B3GNT5: variants seen among roughly 807,000 people sequenced by gnomAD.
B3GNT5 encodes lactosylceramide 1,3-N-acetyl-beta-D-glucosaminyltransferase.
In B3GNT5, 11 loss-of-function variants were observed where a neutral mutation model predicts 25.9. The ratio of observed to expected loss-of-function variants is 0.42; its 90% CI spans 0.27 to 0.70. The LOEUF is 0.70. Ranked by LOEUF, B3GNT5 falls within the 30% of genes least tolerant of loss-of-function variation. The pLI is 0.23. For missense variants in B3GNT5, 385 were observed against 458.4 expected, an observed-to-expected ratio of 0.84 and a Z score of 1.46; for synonymous variants, 166 against 158.6, an observed-to-expected ratio of 1.05 and a Z score of -0.35.
intron 1 of B3GNT5, among the ~76,000 whole-genome samples, chr3:183,262,725 G>C (rs912949667): frequency 6.7e-6 from 1 of 150,240 alleles, no homozygotes; most frequent in Non-Finnish European, 1.5e-5. Flanking sequence ...GGGTGGGGGG[G>C]ACAGAGCCTG....
chr3:183,255,124 G>T (rs6768556), intron 1 of B3GNT5, among the ~76,000 whole-genome samples: 1 of 152,022 alleles, frequency 6.6e-6, no homozygotes, highest in African/African-American at 2.4e-5. Flanking sequence ...GGATTTGTGC[G>T]TCTGTGCCTT....
At chr3:183,258,824 A>C (rs1725320399) in intron 1 of B3GNT5, among the ~76,000 whole-genome samples, 1 of 152,172 alleles carries the variant, frequency 6.6e-6, no homozygotes, top group Admixed American at 6.5e-5. Flanking sequence ...CTCCTGAGTC[A>C]AATGATCCTC....
In B3GNT5 at chr3:183,270,541, C is replaced by T. The variant is rs1350364554; in HGVS notation, c.743C>T (p.Ala248Val). The change falls in exon 2 of 2, where the codon GCT becomes GTT. Residue 248 changes from alanine (A) to valine (V), a missense_variant. Physicochemically the swap from Ala to Val is moderately conservative, Grantham distance 64. Transcript: ENST00000326505. This position sits in a 1 kb window ranked among gnomAD's most constrained non-coding sequence, Gnocchi z 4.5. ...TCCTATGAAATGTACCAGTGGCCAG[C>T]TTACCCTGACTACACAGCCGGAGCT... Reference protein sequence around the residue: ...YVSYEMYQWPAYPDYTAGAAY... With the variant: ...YVSYEMYQWPVYPDYTAGAAY... 1.4e-5 allele frequency: 22 copies of T among 1,614,020 alleles called. No homozygotes were observed. The highest frequency in any genetic ancestry group is 1.9e-5 in the Non-Finnish European group (22 of 1,180,002).
chr3:183,265,940 G>C (rs965917896), intron 1 of B3GNT5: 3 of 152,198 alleles, frequency 2.0e-5, no homozygotes, highest in African/African-American at 7.2e-5. Flanking sequence ...TGTTGGCTTT[G>C]TGACAGGTCT....
rs753403674 is a variant in B3GNT5, at chr3:183,270,108, C to T, written c.310C>T (p.Arg104Cys). 2.4e-5 allele frequency: 38 copies of T among 1,614,066 alleles called. No individual in the cohort carries two copies. The highest frequency in any genetic ancestry group is 3.1e-5 in the Non-Finnish European group (37 of 1,180,042). Residue 104 changes from arginine to cysteine, a missense_variant, in exon 2 of 2, where the codon CGT (arginine) becomes TGT (cysteine). Transcript: ENST00000326505. The surrounding 1 kb of genome is among the most constrained non-coding windows in gnomAD (Gnocchi z 4.5). ...AACTGCTCCTGAAAACTATGATCGACGTTCCGGAATTAGAAGGACGTGGGG... is the reference window on the plus strand; with the variant it reads ...AACTGCTCCTGAAAACTATGATCGATGTTCCGGAATTAGAAGGACGTGGGG... ...VKTAPENYDRRSGIRRTWGNE... is the reference protein window; with the variant it reads ...VKTAPENYDRCSGIRRTWGNE...
chr3:183,261,797 A>G (rs1725609423), intron 1 of B3GNT5, among the ~76,000 whole-genome samples: 1 of 151,972 alleles, frequency 6.6e-6, no homozygotes, highest in East Asian at 1.9e-4. Context: ...GCCTTCTTAT[A>G]TAGAATTTCT....
Position 183,270,265 on chromosome 3 carries a change from T to C in B3GNT5, c.467T>C (p.Ile156Thr), listed in dbSNP as rs756310252. 3 of 1,614,074 alleles carry C rather than the reference T, an allele frequency of 1.9e-6. No homozygotes were observed. The change falls in exon 2 of 2, where the codon ATA becomes ACA. Residue 156 changes from isoleucine (I) to threonine (T), a missense_variant. Coordinates refer to ENST00000326505, the MANE Select transcript of B3GNT5 (RefSeq NM_032047.5). The surrounding 1 kb of genome is among the most constrained non-coding windows in gnomAD (Gnocchi z 4.5). The part of the protein sequence containing the change: ...LAWEDQRYND[I>T]IQQDFVDSFY... ...TGGGAAGATCAAAGGTACAATGATATAATTCAGCAAGACTTTGTTGATTCT... is the reference window on the plus strand; with the variant it reads ...TGGGAAGATCAAAGGTACAATGATACAATTCAGCAAGACTTTGTTGATTCT...
intron 1 of B3GNT5, among the ~76,000 whole-genome samples, chr3:183,262,497 A>G (rs1725703940): frequency 6.6e-6 from 1 of 152,006 alleles, no homozygotes; most frequent in Admixed American, 6.6e-5. Flanking sequence ...TATACTGACT[A>G]CGGAGTTTTT....
chr3:183,267,222 A>G lies in B3GNT5; in HGVS notation c.-301-2276A>G, dbSNP rs1726236515. 6.6e-6 allele frequency among the ~76,000 whole-genome samples: 1 copy of G among 152,204 alleles called. No homozygotes were observed. Among genetic ancestry groups the G allele is most frequent in the Non-Finnish European group, 1.5e-5 (1 of 68,038 alleles). ...CAGTACACTCTGTATTTAAAAAAAAAAATGCTGGTTGTGGCTTCCTAAGTG... is the reference window on the plus strand; with the variant it reads ...CAGTACACTCTGTATTTAAAAAAAAGAATGCTGGTTGTGGCTTCCTAAGTG... On this transcript the variant is annotated intron_variant, in intron 1 of 1. Coordinates refer to ENST00000326505, the MANE Select transcript of B3GNT5 (RefSeq NM_032047.5). This position sits in a 1 kb window ranked among gnomAD's most constrained non-coding sequence, Gnocchi z 5.5.
intron 1 of B3GNT5, among the ~76,000 whole-genome samples, chr3:183,268,884 G>C (rs887750323): frequency 6.6e-6 from 1 of 152,116 alleles, no homozygotes; most frequent in African/African-American, 2.4e-5. Context: ...TGAGGCGCCT[G>C]CTGCATTTCC....
At chr3:183,262,790 G>A (rs994672662) in intron 1 of B3GNT5, among the ~76,000 whole-genome samples, 1 of 152,024 alleles carries the variant, frequency 6.6e-6, no homozygotes, top group Non-Finnish European at 1.5e-5. Flanking sequence ...AGAAGGTTCG[G>A]GACAAGTTCA....
rs777449742 is a variant in B3GNT5, at chr3:183,270,613, C to T, written c.815C>T (p.Ser272Leu). 1.9e-6 allele frequency: 3 copies of T among 1,614,068 alleles called. No homozygotes were observed. Among genetic ancestry groups the T allele is most frequent in the Non-Finnish European group, 2.5e-6 (3 of 1,180,054 alleles). ...GTAGCTGCCAAAGTCTATGAGGCAT[C>T]ACAGACACTAAATTCAAGTCTTTAC... Reference protein sequence around the residue: ...GDVAAKVYEASQTLNSSLYID... With the variant: ...GDVAAKVYEALQTLNSSLYID... The change falls in exon 2 of 2, where the codon TCA becomes TTA. Residue 272 changes from serine to leucine, a missense_variant. Physicochemically the swap from Ser to Leu is moderately radical, Grantham distance 145 (BLOSUM62 -2). Coordinates refer to ENST00000326505, the MANE Select transcript of B3GNT5 (RefSeq NM_032047.5). This position sits in a 1 kb window ranked among gnomAD's most constrained non-coding sequence, Gnocchi z 4.5.
intron 1 of B3GNT5, among the ~76,000 whole-genome samples, chr3:183,266,309 G>A (rs1029243793): frequency 1.3e-5 from 2 of 152,234 alleles, no homozygotes; most frequent in Non-Finnish European, 2.9e-5. Context: ...AGCTGCTCAG[G>A]AATAGGCAGC....
chr3:183,266,769 T>A (rs1041072503), intron 1 of B3GNT5, among the ~76,000 whole-genome samples: 1 of 151,914 alleles, frequency 6.6e-6, no homozygotes, highest in African/African-American at 2.4e-5. Flanking sequence ...ATTGATCTGT[T>A]CCTTAGAGCA....
rs990760113 is a variant in B3GNT5 at position 183,253,474 on chromosome 3, T to A, written c.-302+2T>A. 1 of 152,316 alleles carries A rather than the reference T, an allele frequency of 6.6e-6. No homozygotes were observed. The highest frequency in any genetic ancestry group is 1.5e-5 in the Non-Finnish European group (1 of 68,118). 9.4% of individuals were successfully genotyped at this position (152,316 alleles called of 1,614,324 possible). A position where few individuals can be genotyped will look rare whatever the true frequency, so the allele number is the denominator to read the frequency against. ...CTTGAAATGAAGCTGGACTTGGAGG[T>A]AAAGTCACTGGGAAGCTGGCCTGGG... On this transcript the variant is annotated splice_donor_variant, in intron 1 of 1. Coordinates refer to ENST00000326505, the MANE Select transcript of B3GNT5 (RefSeq NM_032047.5). LOFTEE classifies it low-confidence loss of function (5UTR_SPLICE).
At chr3:183,257,991 G>A (rs1391289566) in intron 1 of B3GNT5, among the ~76,000 whole-genome samples, 6 of 75,492 alleles carry the variant, frequency 7.9e-5, no homozygotes, top group African/African-American at 5.3e-4. Context: ...TTTTTGAGAC[G>A]GAGTCTCGCT....
chr3:183,255,962 GTTCT>G (rs1473924405), intron 1 of B3GNT5, among the ~76,000 whole-genome samples: 1 of 152,152 alleles, frequency 6.6e-6, no homozygotes, highest in African/African-American at 2.4e-5. Context: ...AAAGGGTCCA[GTTCT>G]TTCTGAGGCC....
rs1726602260 is a variant in B3GNT5 at position 183,270,071 on chromosome 3, A to G, written c.273A>G (p.Leu91=). 1.2e-6 allele frequency: 2 copies of G among 1,614,040 alleles called. No individual in the cohort carries two copies. The highest frequency in any genetic ancestry group is 1.7e-6 in the Non-Finnish European group (2 of 1,180,032). The stretch of plus-strand genomic sequence containing the variant: ...GTCAAGCTCAAGACGTCCTCCTTTT[A>G]CTGTTTGTAAAAACTGCTCCTGAAA... ...EKCQAQDVLL[L]LFVKTAPENY... The change falls in exon 2 of 2, where the codon TTA becomes TTG. Residue 91 remains leucine (L), a synonymous_variant. Transcript: ENST00000326505. This position sits in a 1 kb window ranked among gnomAD's most constrained non-coding sequence, Gnocchi z 4.5.
intron 1 of B3GNT5, among the ~76,000 whole-genome samples, chr3:183,260,417 T>C (rs976143248): frequency 9.2e-5 from 14 of 152,010 alleles, no homozygotes; most frequent in Admixed American, 3.3e-4. Context: ...CCCAAACAAG[T>C]GTGTTGCAAG....
Sources: allele counts gnomAD v4.1 joint callset (sites outside exome capture counted in the v4.1 genomes callset), GRCh38; gene constraint gnomAD v4.1.1; non-coding constraint Gnocchi (gnomAD v3.1); transcripts MANE v1.5; gene names NCBI Gene and HGNC (gene_info 2026-07-23, HGNC 2026-07-21).